Variants in PRKN observed in about 807,000 individuals in gnomAD.
The protein encoded by PRKN is parkin RBR E3 ubiquitin protein ligase.
Under a neutral mutation model 59.5 loss-of-function variants are expected in PRKN, and 56 were observed. The ratio of observed to expected loss-of-function variants is 0.94; its 90% CI spans 0.76 to 1.18. The LOEUF is 1.18. PRKN is among the 50% of genes most tolerant of loss of function. The pLI, the probability that PRKN is intolerant of heterozygous loss-of-function variation, is 0.00. For missense variants in PRKN, 657 were observed against 596.4 expected (o/e 1.10, Z -1.06); for synonymous variants, 250 against 222.1 (o/e 1.13, Z -1.12).
intron 5 of PRKN, among the ~76,000 whole-genome samples, chr6:162,035,300 A>G (rs1246474279): frequency 6.6e-6 from 1 of 152,180 alleles, no homozygotes; most frequent in Non-Finnish European, 1.5e-5. Context: ...TGACTCGAAC[A>G]TCTCCCACCA....
rs1554260771 is a variant in PRKN, at chr6:162,011,429, T to TATTATATATTATAATATATA, written c.619-38013_619-38012insTATATATTATAATATATAAT. On this transcript the variant is annotated intron_variant, in intron 5 of 11. Transcript: ENST00000366898. ...ATATAATATATTATATTTTATAATA[T>TATTATATATTATAATATATA]ATATGTTATATATTTATAATATATA... is the stretch of plus-strand genomic sequence containing the variant. Among the ~76,000 whole-genome samples, 38 of 21,792 alleles carry TATTATATATTATAATATATA rather than the reference T, an allele frequency of 1.7e-3. 7 individuals are homozygous for TATTATATATTATAATATATA. In the African/African-American group the frequency reaches 0.02, roughly 11 times the overall value. 14.3% of individuals were successfully genotyped at this position (21,792 alleles called of 152,430 possible).
At chr6:162,118,220 G>A (rs1454412109) in intron 4 of PRKN, among the ~76,000 whole-genome samples, 1 of 151,954 alleles carries the variant, frequency 6.6e-6, no homozygotes, top group African/African-American at 2.4e-5. Context: ...GACCATCCTG[G>A]CTAACATGGT....
At chr6:162,454,457 T>C (rs958136211) in intron 1 of PRKN, among the ~76,000 whole-genome samples, 15 of 152,192 alleles carry the variant, frequency 9.9e-5, no homozygotes, top group African/African-American at 3.4e-4. Context: ...TGAAAGATAA[T>C]TGGGAGACCA....
In PRKN at chr6:161,402,591, G is replaced by A. The variant is rs1029452294; in HGVS notation, c.1084-15714C>T. 6.6e-6 allele frequency among the ~76,000 whole-genome samples: 1 copy of A among 151,972 alleles called. No individual in the cohort carries two copies. The highest frequency in any genetic ancestry group is 1.5e-5 in the Non-Finnish European group (1 of 68,002). ...TTTGGCTGGGCTATTGATTAAAATG[G>A]CATATAAACAGATTAACAGGAGAAA... On this transcript the variant is annotated intron_variant, in intron 9 of 11. Coordinates refer to ENST00000366898, the MANE Select transcript of PRKN (RefSeq NM_004562.3). The surrounding 1 kb of genome is among the most constrained non-coding windows in gnomAD (Gnocchi z 4.5).
At chr6:161,796,499 C>G (rs2128209438) in intron 6 of PRKN, among the ~76,000 whole-genome samples, 1 of 152,134 alleles carries the variant, frequency 6.6e-6, no homozygotes, top group African/African-American at 2.4e-5. Flanking sequence ...GTGGATAAAT[C>G]ATAATGAAAT....
intron 5 of PRKN, among the ~76,000 whole-genome samples, chr6:162,051,283 T>C (rs1415725842): frequency 6.6e-6 from 1 of 152,076 alleles, no homozygotes; most frequent in Non-Finnish European, 1.5e-5. Context: ...CTATGCGAGA[T>C]TCTTCAGCCA....
intron 4 of PRKN, among the ~76,000 whole-genome samples, chr6:162,154,311 C>A (rs1222903961): frequency 4.6e-5 from 7 of 151,886 alleles, no homozygotes; most frequent in Non-Finnish European, 1.0e-4. Context: ...AAGAAAAACA[C>A]TGAGAACATC....
Position 161,998,045 on chromosome 6 carries a change from C to T in PRKN, c.619-24628G>A, listed in dbSNP as rs1196038254. ...TGGAAATAAAGAACCACATATACTG[C>T]AAAATATATTAAAAAACATAAAACA... On this transcript the variant is annotated intron_variant, in intron 5 of 11. Coordinates refer to ENST00000366898, the MANE Select transcript of PRKN (RefSeq NM_004562.3). 2.0e-5 allele frequency among the ~76,000 whole-genome samples: 3 copies of T among 151,958 alleles called. No homozygotes were observed. The East Asian group carries it at 5.8e-4, about 29-fold the overall frequency.
chr6:162,687,218 C>T (rs1310813815), intron 1 of PRKN, among the ~76,000 whole-genome samples: 1 of 143,316 alleles, frequency 7.0e-6, no homozygotes, highest in African/African-American at 2.6e-5. Context: ...CAGAGTTTCA[C>T]TCTGTCGTCC....
intron 9 of PRKN, among the ~76,000 whole-genome samples, chr6:161,430,834 AAAAAG>A (rs1788609116): frequency 2.0e-5 from 3 of 147,220 alleles, no homozygotes; most frequent in African/African-American, 7.7e-5. Flanking sequence ...AAAAAAAAAA[AAAAAG>A]AAATACTGAA....
intron 7 of PRKN, among the ~76,000 whole-genome samples, chr6:161,675,806 AT>A (rs1181263491): frequency 6.6e-6 from 1 of 152,192 alleles, no homozygotes; most frequent in Non-Finnish European, 1.5e-5. Context: ...GACATAAAAT[AT>A]TTTTTACAGT....
chr6:162,461,483 C>A (rs1791160649), intron 1 of PRKN, among the ~76,000 whole-genome samples: 1 of 86,484 alleles, frequency 1.2e-5, no homozygotes, highest in Admixed American at 2.0e-4. Flanking sequence ...GCCTGGAGGA[C>A]AGAGTTAAAG....
intron 7 of PRKN, among the ~76,000 whole-genome samples, chr6:161,634,847 T>C (rs528565600): frequency 1.9e-4 from 29 of 152,352 alleles, no homozygotes; most frequent in African/African-American, 7.0e-4. Flanking sequence ...TTTTTCACAA[T>C]TGAGAGAAAG....
chr6:161,693,702 T>C (rs1281348237), intron 7 of PRKN, among the ~76,000 whole-genome samples: 1 of 152,192 alleles, frequency 6.6e-6, no homozygotes, highest in Non-Finnish European at 1.5e-5. Context: ...ACGAAAACAT[T>C]TGTGATTGAC....
intron 7 of PRKN, among the ~76,000 whole-genome samples, chr6:161,596,269 A>G (rs765100657): frequency 4.6e-5 from 7 of 152,200 alleles, no homozygotes; most frequent in Non-Finnish European, 8.8e-5. Flanking sequence ...AAGGCAGAAC[A>G]AGAGGAGAGA....
At chr6:162,460,011 TA>T in intron 1 of PRKN, among the ~76,000 whole-genome samples, 1 of 152,336 alleles carries the variant, frequency 6.6e-6, no homozygotes, top group East Asian at 1.9e-4. Flanking sequence ...ATTCTACTCC[TA>T]GGCTATATAC....
chr6:161,626,361 C>G (rs1783088144), intron 7 of PRKN, among the ~76,000 whole-genome samples: 1 of 152,200 alleles, frequency 6.6e-6, no homozygotes, highest in Non-Finnish European at 1.5e-5. Flanking sequence ...AACTACCACC[C>G]ATGTGTACAC....
chr6:162,581,482 C>T (rs1780788268), intron 1 of PRKN, among the ~76,000 whole-genome samples: 2 of 152,184 alleles, frequency 1.3e-5, no homozygotes, highest in Admixed American at 1.3e-4. Flanking sequence ...TAACTTAGGC[C>T]AGGTGCGGTG....
intron 1 of PRKN, among the ~76,000 whole-genome samples, chr6:162,608,218 C>G (rs75817589): frequency 6.6e-6 from 1 of 152,148 alleles, no homozygotes; most frequent in Non-Finnish European, 1.5e-5. Context: ...GGAAGACTGA[C>G]GTATCGGGAG....
Sources: gnomAD v4.1 joint callset for allele counts (sites outside exome capture counted in the v4.1 genomes callset) on GRCh38, gnomAD v4.1.1 for gene constraint, Gnocchi (gnomAD v3.1) non-coding constraint, MANE v1.5 for transcripts, NCBI Gene and HGNC (gene_info 2026-07-23, HGNC 2026-07-21) for gene names.